The following CCDC102B variants were observed in gnomAD, a reference collection of about 807,000 sequenced individuals.
CCDC102B encodes the protein coiled-coil domain containing 102B.
CCDC102B carries 75 observed loss-of-function variants against 57.4 expected under a neutral mutation model. That is an observed-to-expected ratio of 1.31 (90% CI 1.08 to 1.58). The LOEUF is 1.58. Ranked by LOEUF, CCDC102B falls within the 40% of genes most tolerant of loss-of-function variation. The pLI is 0.00. For synonymous variants in CCDC102B, 206 were observed against 201.9 expected (o/e 1.02, Z -0.17); for missense variants, 636 against 582.6 (o/e 1.09, Z -0.94).
chr18:69,037,034 C>T (rs201275391), intron 7 of CCDC102B, among the ~76,000 whole-genome samples: 11 of 124,700 alleles, frequency 8.8e-5, no homozygotes, highest in African/African-American at 3.1e-4. Context: ...TATATACACA[C>T]ACACACACAC....
At chr18:68,731,800 G>A (rs1423207186) in intron 2 of CCDC102B, among the ~76,000 whole-genome samples, 1 of 149,068 alleles carries the variant, frequency 6.7e-6, no homozygotes, top group Non-Finnish European at 1.5e-5. Context: ...TCTTCAGACA[G>A]ACAATAGTCT....
rs2049889277 is a variant in CCDC102B, at chr18:68,956,517, C to CAA, written c.1264-54416_1264-54415insAA. 9.2e-5 allele frequency among the ~76,000 whole-genome samples: 2 copies of CAA among 21,846 alleles called. 1 individual carries two copies. Among genetic ancestry groups the CAA allele is most frequent in the African/African-American group, 8.6e-4 (2 of 2,316 alleles). The allele number at this position is 21,846 out of a possible 152,430, so 14.3% of individuals were successfully genotyped here. On this transcript the variant is annotated intron_variant, in intron 6 of 7. Transcript: ENST00000360242. ...TATAAAATATATAATATATATATCGCATATTATATATATTATATATTTTAT... is the reference window on the plus strand; with the variant it reads ...TATAAAATATATAATATATATATCGCAAATATTATATATATTATATATTTTAT...
At chr18:68,901,525 G>A (rs998862922) in intron 6 of CCDC102B, among the ~76,000 whole-genome samples, 3 of 151,980 alleles carry the variant, frequency 2.0e-5, no homozygotes, top group Admixed American at 1.3e-4. Flanking sequence ...GGTACAGAGT[G>A]ACAAAAGAAA....
intron 4 of CCDC102B, among the ~76,000 whole-genome samples, chr18:68,856,819 TG>T (rs1320093363): frequency 6.6e-6 from 1 of 151,434 alleles, no homozygotes; most frequent in East Asian, 1.9e-4. Flanking sequence ...TTTATAGCTA[TG>T]ATTGATTGAA....
intron 2 of CCDC102B, among the ~76,000 whole-genome samples, chr18:68,725,543 G>C (rs1407357856): frequency 6.6e-6 from 1 of 152,136 alleles, no homozygotes; most frequent in African/African-American, 2.4e-5. Context: ...GACAACTTCT[G>C]TCTGGGAATT....
intron 6 of CCDC102B, among the ~76,000 whole-genome samples, chr18:68,936,099 G>T (rs2049228553): frequency 6.6e-6 from 1 of 151,930 alleles, no homozygotes; most frequent in African/African-American, 2.4e-5. Context: ...TATTTTGTGT[G>T]AAATTATCTA....
intron 5 of CCDC102B, among the ~76,000 whole-genome samples, chr18:68,882,495 T>C (rs1362130955): frequency 2.6e-5 from 4 of 152,242 alleles, no homozygotes; most frequent in Non-Finnish European, 4.4e-5. Context: ...GATTTATTTC[T>C]AGAATCTAGA....
intron 4 of CCDC102B, among the ~76,000 whole-genome samples, chr18:68,874,159 AGTGT>A (rs2039341510): frequency 8.1e-6 from 1 of 124,194 alleles, no homozygotes; most frequent in African/African-American, 3.0e-5. Context: ...CAGCCCAAGC[AGTGT>A]GTGTGTATGT....
chr18:68,781,219 A>G (rs2034997945), intron 2 of CCDC102B, among the ~76,000 whole-genome samples: 2 of 152,082 alleles, frequency 1.3e-5, no homozygotes, highest in South Asian at 4.1e-4. Flanking sequence ...CTTTGTGCAT[A>G]TTTATATTTT....
intron 7 of CCDC102B, among the ~76,000 whole-genome samples, chr18:69,020,878 A>G (rs1038473364): frequency 1.3e-5 from 2 of 152,248 alleles, no homozygotes; most frequent in African/African-American, 2.4e-5. Flanking sequence ...AGTGTAATAC[A>G]TCTTCTAGAT....
At chr18:68,846,206 G>A in intron 3 of CCDC102B, 107 bp from the exon 4 acceptor site, 2 of 559,442 alleles carry the variant, frequency 3.6e-6, no homozygotes, top group Non-Finnish European at 5.9e-6. Flanking sequence ...AAGATGATCA[G>A]TTACAAATAT....
At chr18:68,860,593 C>G (rs1409154671) in intron 4 of CCDC102B, among the ~76,000 whole-genome samples, 1 of 113,768 alleles carries the variant, frequency 8.8e-6, no homozygotes, top group African/African-American at 3.0e-5. Flanking sequence ...CAACTGGCAA[C>G]TCCTCAGGGA....
chr18:68,982,368 A>T (rs551008777), intron 6 of CCDC102B, among the ~76,000 whole-genome samples: 1 of 151,934 alleles, frequency 6.6e-6, no homozygotes, highest in Non-Finnish European at 1.5e-5. Context: ...TCCCCACTCT[A>T]CCCTTAACTA....
At chr18:69,043,052 G>A (rs2052471012) in intron 7 of CCDC102B, among the ~76,000 whole-genome samples, 1 of 152,128 alleles carries the variant, frequency 6.6e-6, no homozygotes, top group Non-Finnish European at 1.5e-5. Context: ...GTTTCTCCAA[G>A]AGGGGGATGT....
chr18:68,851,152 T>G (rs754986562), intron 4 of CCDC102B, among the ~76,000 whole-genome samples: 1 of 152,220 alleles, frequency 6.6e-6, no homozygotes, highest in African/African-American at 2.4e-5. Flanking sequence ...GTACTAACAC[T>G]TCTCTTAATA....
At chr18:69,023,339 A>C (rs2051899771) in intron 7 of CCDC102B, among the ~76,000 whole-genome samples, 1 of 152,174 alleles carries the variant, frequency 6.6e-6, no homozygotes, top group Admixed American at 6.6e-5. Context: ...AAGTAAAAAA[A>C]CAGTATCTCT....
chr18:68,948,025 A>T (rs1203062797), intron 6 of CCDC102B, among the ~76,000 whole-genome samples: 1 of 152,100 alleles, frequency 6.6e-6, no homozygotes, highest in East Asian at 1.9e-4. Context: ...TATATTGTGC[A>T]TCATCATTAC....
At chr18:69,019,618 G>T (rs72959961) in intron 7 of CCDC102B, among the ~76,000 whole-genome samples, 20 of 152,150 alleles carry the variant, frequency 1.3e-4, no homozygotes, top group Non-Finnish European at 2.8e-4. Flanking sequence ...GTTTCAACAA[G>T]TTTTTGGTGG....
intron 1 of CCDC102B, among the ~76,000 whole-genome samples, chr18:68,819,068 T>C (rs1374836162): frequency 6.6e-6 from 1 of 152,132 alleles, no homozygotes; most frequent in Non-Finnish European, 1.5e-5. Context: ...TTTCATTCTG[T>C]TGACAATGTC....
Sources: allele counts gnomAD v4.1 joint callset (sites outside exome capture counted in the v4.1 genomes callset), GRCh38; gene constraint gnomAD v4.1.1; transcripts MANE v1.5; gene names NCBI Gene and HGNC (gene_info 2026-07-23, HGNC 2026-07-21).